Variants in TMEM163 observed in about 807,000 individuals in gnomAD.
TMEM163 encodes the protein transmembrane protein 163.
In TMEM163, 17 loss-of-function variants were observed where a neutral mutation model predicts 29.3. The ratio of observed to expected loss-of-function variants is 0.58; its 90% CI spans 0.40 to 0.87. The LOEUF (loss-of-function observed/expected upper bound fraction) is 0.87. TMEM163 is among the 40% of genes least tolerant of loss of function. The pLI, the probability that TMEM163 is intolerant of heterozygous loss-of-function variation, is 0.00. For missense variants in TMEM163, 303 were observed against 381.5 expected (o/e 0.79, Z 1.71); for synonymous variants, 157 against 160.6 (o/e 0.98, Z 0.17).
At chr2:134,533,672 A>G (rs1401237846) in intron 4 of TMEM163, among the ~76,000 whole-genome samples, 1 of 152,130 alleles carries the variant, frequency 6.6e-6, no homozygotes, top group African/African-American at 2.4e-5. Flanking sequence ...TTAATTATAT[A>G]AGCAGATCAC....
intron 2 of TMEM163, among the ~76,000 whole-genome samples, chr2:134,705,268 T>C (rs904424254): frequency 1.3e-5 from 2 of 151,062 alleles, no homozygotes; most frequent in African/African-American, 4.9e-5. Flanking sequence ...AAAAATGCAG[T>C]TGTATTTGGA....
At chr2:134,493,362 C>CTTTTTTTTTTTTTTTTTTTTTTTT (rs1159013721) in intron 5 of TMEM163, among the ~76,000 whole-genome samples, 1 of 49,828 alleles carries the variant, frequency 2.0e-5, no homozygotes. Flanking sequence ...CTTTTGGTGT[C>CTTTTTTTTTTTTTTTTTTTTTTTT]TTTTTTTTTT....
intron 2 of TMEM163, among the ~76,000 whole-genome samples, chr2:134,580,313 G>A (rs561345523): frequency 4.9e-4 from 74 of 152,254 alleles, no homozygotes; most frequent in Non-Finnish European, 9.1e-4. Flanking sequence ...TTTAAGAGAC[G>A]TAACAGCATA....
chr2:134,693,346 C>A (rs1009197851), intron 2 of TMEM163, among the ~76,000 whole-genome samples: 4 of 152,254 alleles, frequency 2.6e-5, no homozygotes, highest in Non-Finnish European at 4.4e-5. Flanking sequence ...GTGGCTCATG[C>A]CTGTAATCCC....
intron 4 of TMEM163, among the ~76,000 whole-genome samples, chr2:134,532,739 C>G (rs1301096846): frequency 1.3e-5 from 2 of 152,136 alleles, no homozygotes; most frequent in African/African-American, 2.4e-5. Context: ...CAGTGAAGGC[C>G]GCTTGGGGAA....
chr2:134,579,830 A>C (rs1681651083), intron 2 of TMEM163, among the ~76,000 whole-genome samples: 1 of 152,254 alleles, frequency 6.6e-6, no homozygotes. Flanking sequence ...TATCAGTCAC[A>C]TAGTAAACAA....
At chr2:134,617,711 A>G (rs1682640714) in intron 2 of TMEM163, among the ~76,000 whole-genome samples, 1 of 152,220 alleles carries the variant, frequency 6.6e-6, no homozygotes, top group Admixed American at 6.5e-5. Flanking sequence ...AGACATAGAA[A>G]ACAAATAGCA....
chr2:134,501,184 G>A (rs1679689149), intron 5 of TMEM163, among the ~76,000 whole-genome samples: 2 of 152,094 alleles, frequency 1.3e-5, no homozygotes, highest in South Asian at 4.2e-4. Context: ...TTCATCAAAG[G>A]TACAGATGGT....
At chr2:134,622,063 A>G (rs1682748750) in intron 2 of TMEM163, among the ~76,000 whole-genome samples, 1 of 152,132 alleles carries the variant, frequency 6.6e-6, no homozygotes, top group South Asian at 2.1e-4. Context: ...GCAAAACACA[A>G]AAGACTGTGT....
At chr2:134,698,978 T>G (rs762487112) in intron 2 of TMEM163, among the ~76,000 whole-genome samples, 6 of 152,124 alleles carry the variant, frequency 3.9e-5, no homozygotes, top group Non-Finnish European at 7.3e-5. Flanking sequence ...TTCTTTAAAC[T>G]AAAGGGTAAC....
intron 4 of TMEM163, among the ~76,000 whole-genome samples, chr2:134,510,712 G>A (rs1679927633): frequency 6.6e-6 from 1 of 152,164 alleles, no homozygotes; most frequent in Non-Finnish European, 1.5e-5. Context: ...GAAGTGAGGA[G>A]CCGGTAGTGA....
At chr2:134,594,026 C>T (rs1682001901) in intron 2 of TMEM163, among the ~76,000 whole-genome samples, 1 of 151,958 alleles carries the variant, frequency 6.6e-6, no homozygotes. Flanking sequence ...AAGATGTGGA[C>T]AACTACTTAA....
At chr2:134,528,008 C>T (rs1358560883) in intron 4 of TMEM163, among the ~76,000 whole-genome samples, 1 of 152,156 alleles carries the variant, frequency 6.6e-6, no homozygotes, top group African/African-American at 2.4e-5. Flanking sequence ...GGCCTGTCAA[C>T]TGGGCAAGGA....
intron 2 of TMEM163, among the ~76,000 whole-genome samples, chr2:134,703,991 C>A (rs1471881359): frequency 1.3e-5 from 2 of 152,096 alleles, no homozygotes; most frequent in African/African-American, 4.8e-5. Flanking sequence ...ACTTCTCTCA[C>A]CTAGAATTTC....
intron 2 of TMEM163, among the ~76,000 whole-genome samples, chr2:134,577,633 T>C (rs1327494481): frequency 1.3e-5 from 2 of 152,132 alleles, no homozygotes; most frequent in Non-Finnish European, 2.9e-5. Flanking sequence ...CTTTTCACAC[T>C]GCAGGTCTCC....
chr2:134,529,169 A>G (rs1680360175), intron 4 of TMEM163, among the ~76,000 whole-genome samples: 1 of 151,858 alleles, frequency 6.6e-6, no homozygotes, highest in Admixed American at 6.6e-5. Flanking sequence ...CGTCTCTACT[A>G]AAAATAAAAA....
At chr2:134,712,544 A>G (rs913130563) in intron 2 of TMEM163, among the ~76,000 whole-genome samples, 1 of 152,200 alleles carries the variant, frequency 6.6e-6, no homozygotes, top group Non-Finnish European at 1.5e-5. Flanking sequence ...GTCATTGCAC[A>G]ATTCATAAGA....
intron 2 of TMEM163, among the ~76,000 whole-genome samples, chr2:134,623,986 T>C (rs1175914786): frequency 6.6e-6 from 1 of 152,312 alleles, no homozygotes; most frequent in East Asian, 1.9e-4. Context: ...TTCTCACCAG[T>C]GAAGCCACAG....
At chr2:134,536,157 C>A (rs892226014) in intron 4 of TMEM163, among the ~76,000 whole-genome samples, 4 of 152,148 alleles carry the variant, frequency 2.6e-5, no homozygotes, top group African/African-American at 9.7e-5. Flanking sequence ...GAAGTTTCAA[C>A]CTTAACCTAA....
Sources: gnomAD v4.1 joint callset for allele counts (sites outside exome capture counted in the v4.1 genomes callset) on GRCh38, gnomAD v4.1.1 for gene constraint, MANE v1.5 for transcripts, NCBI Gene and HGNC (gene_info 2026-07-23, HGNC 2026-07-21) for gene names.